The following MET variants were observed in gnomAD, a reference collection of about 807,000 sequenced individuals.
MET encodes the protein MET proto-oncogene, receptor tyrosine kinase.
MET carries 48 observed loss-of-function variants against 133.1 expected under a neutral mutation model. The ratio of observed to expected loss-of-function variants is 0.36; its 90% CI spans 0.29 to 0.46. The LOEUF is 0.46. Among genes scored for constraint, MET ranks in the 20% least tolerant of loss-of-function variants. The probability of loss-of-function intolerance (pLI) is 1.00; values close to 1 mark genes in which losing one functional copy is unlikely to be tolerated. For synonymous variants in MET, 628 were observed against 616.5 expected (o/e 1.02, Z -0.28); for missense variants, 1,442 against 1,695.9 (o/e 0.85, Z 2.63).
In MET at chr7:116,699,155, G is replaced by A. The variant is rs180985111; in HGVS notation, c.71G>A (p.Gly24Glu). 158 of 1,613,894 alleles carry A rather than the reference G, an allele frequency of 9.8e-5. No homozygotes were observed. In the African/African-American group the frequency reaches 1.6e-3, roughly 17 times the overall value. Residue 24 changes from glycine to glutamate, a missense_variant, in exon 2 of 21, where the codon GGG becomes GAG. Gly to Glu is a moderately conservative substitution (Grantham distance 98, BLOSUM62 -2). Coordinates refer to ENST00000397752, the MANE Select transcript of MET (RefSeq NM_000245.4). The part of the protein sequence containing the change: ...LLFTLVQRSN[G>E]ECKEALAKSE... ...TTTACCTTGGTGCAGAGGAGCAATGGGGAGTGTAAAGAGGCACTAGCAAAG... is the reference window on the plus strand; with the variant it reads ...TTTACCTTGGTGCAGAGGAGCAATGAGGAGTGTAAAGAGGCACTAGCAAAG...
chr7:116,697,467 A>G (rs1797003121), intron 1 of MET, among the ~76,000 whole-genome samples: 1 of 152,114 alleles, frequency 6.6e-6, no homozygotes, highest in South Asian at 2.1e-4. Flanking sequence ...AAATTCCTTA[A>G]TGATTATTAA....
At chr7:116,731,350 C>A (rs113261722) in intron 2 of MET, among the ~76,000 whole-genome samples, 18 of 152,302 alleles carry the variant, frequency 1.2e-4, no homozygotes, top group African/African-American at 3.9e-4. Context: ...AGAAGCATTA[C>A]CTTTGTGTCA....
At chr7:116,694,758 C>A (rs1584870903) in intron 1 of MET, among the ~76,000 whole-genome samples, 2 of 152,282 alleles carry the variant, frequency 1.3e-5, no homozygotes, top group East Asian at 3.9e-4. Flanking sequence ...GCAATCTCAA[C>A]TCACTGCAAC....
At position 116,739,944 on chromosome 7, in the gene MET, G is replaced by C. The variant is rs202194405; in HGVS notation, c.1393-6G>C. The C allele has an allele frequency of 6.2e-7, 1 of 1,613,956 alleles. No homozygotes were observed. Among genetic ancestry groups the C allele is most frequent in the South Asian group, 1.1e-5 (1 of 91,082 alleles). On this transcript the variant is annotated splice_polypyrimidine_tract_variant and splice_region_variant and intron_variant, in intron 3 of 20. Coordinates refer to ENST00000397752, the MANE Select transcript of MET (RefSeq NM_000245.4). Reference sequence around the variant, plus strand: ...ATAAGGATGTTATAACTTTTTTGCTGTTTAGGTTGTGGTTTCTCGATCAGG... The same window carrying C: ...ATAAGGATGTTATAACTTTTTTGCTCTTTAGGTTGTGGTTTCTCGATCAGG...
intron 1 of MET, among the ~76,000 whole-genome samples, chr7:116,684,094 A>G (rs1796457511): frequency 6.6e-6 from 1 of 152,210 alleles, no homozygotes; most frequent in Non-Finnish European, 1.5e-5. Context: ...TATTAACTCA[A>G]CTAATTACTT....
rs45586239 is a variant in MET, at chr7:116,757,472, A to G, written c.1898A>G (p.His633Arg). ...KCTVGPAMNK[H>R]FNMSIIISNG... is the part of the protein sequence containing the mutation. ...ACAGTTGGTCCTGCCATGAATAAGC[A>G]TTTCAATATGTCCATAATTATTTCA... The change falls in exon 7 of 21, where the codon CAT becomes CGT. Residue 633 changes from histidine to arginine, a missense_variant. By Grantham distance (29) the His-to-Arg change is conservative. This residue lies in a region of MET where 762 missense variants were observed against 792.4 expected (regional missense o/e 0.96). Coordinates refer to ENST00000397752, the MANE Select transcript of MET (RefSeq NM_000245.4). 5.6e-6 allele frequency: 9 copies of G among 1,613,630 alleles called. No homozygotes were observed. Among genetic ancestry groups the G allele is most frequent in the African/African-American group, 2.7e-5 (2 of 74,890 alleles).
chr7:116,763,311 C>A (rs376137897), intron 11 of MET, 43 bp downstream of exon 11: 1 of 1,527,166 alleles, frequency 6.5e-7, no homozygotes, highest in East Asian at 2.3e-5. Flanking sequence ...TCAGCTCAAA[C>A]TTAATTGACT....
rs2117111344 is a variant in MET at position 116,795,950 on chromosome 7, G to A, written c.3999G>A (p.Leu1333=). The change falls in exon 21 of 21, where the codon CTG becomes CTA. Residue 1333 remains leucine, a synonymous_variant. Coordinates refer to ENST00000397752, the MANE Select transcript of MET (RefSeq NM_000245.4). ...AAATGCGCCCATCCTTTTCTGAACTGGTGTCCCGGATATCAGCGATCTTCT... is the reference window on the plus strand; with the variant it reads ...AAATGCGCCCATCCTTTTCTGAACTAGTGTCCCGGATATCAGCGATCTTCT... ...KAEMRPSFSE[L]VSRISAIFST... 3 of 1,614,088 alleles carry A rather than the reference G, an allele frequency of 1.9e-6. No homozygotes were observed. Among genetic ancestry groups the A allele is most frequent in the Non-Finnish European group, 2.5e-6 (3 of 1,180,004 alleles).
intron 10 of MET, among the ~76,000 whole-genome samples, chr7:116,762,815 T>A (rs942580751): frequency 6.6e-6 from 1 of 152,174 alleles, no homozygotes; most frequent in Admixed American, 6.6e-5. Flanking sequence ...TTCAGATAGA[T>A]CAGCACAGTT....
intron 1 of MET, among the ~76,000 whole-genome samples, chr7:116,681,777 G>A (rs1400061840): frequency 6.6e-6 from 1 of 152,132 alleles, no homozygotes; most frequent in African/African-American, 2.4e-5. Flanking sequence ...ACAACCATCT[G>A]GTTAATACAA....
chr7:116,716,394 AAG>A lies in MET; in HGVS notation c.1201-15270_1201-15269del, dbSNP rs530401300. Among the ~76,000 whole-genome samples, 320 of 139,426 alleles carry A rather than the reference AAG, an allele frequency of 2.3e-3. 2 individuals are homozygous for A. The highest frequency in any genetic ancestry group is 4.0e-3 in the Non-Finnish European group (254 of 63,396). The allele number at this position is 139,426 out of a possible 152,430, so 91.5% of individuals were successfully genotyped here. Reference sequence around the variant, plus strand: ...GGAAGGAGGGAAAAAGAGAGAAAGAAAGAGAAATATGAAAGAAAGAAAGAGTA... The same window carrying A: ...GGAAGGAGGGAAAAAGAGAGAAAGAAAGAAATATGAAAGAAAGAAAGAGTA... On this transcript the variant is annotated intron_variant, in intron 2 of 20. Transcript: ENST00000397752.
chr7:116,760,318 G>C (rs1794349678), intron 10 of MET, among the ~76,000 whole-genome samples: 4 of 152,090 alleles, frequency 2.6e-5, no homozygotes. Context: ...AGCTAACAAA[G>C]AAAGAGCATT....
intron 5 of MET, among the ~76,000 whole-genome samples, chr7:116,747,307 C>G (rs1403795037): frequency 6.6e-6 from 1 of 152,090 alleles, no homozygotes; most frequent in South Asian, 2.1e-4. Context: ...AGGCTAAATG[C>G]CCCAATTAAA....
At chr7:116,755,705 A>C (rs1794151833) in intron 6 of MET, among the ~76,000 whole-genome samples, 190 bp downstream of exon 6, 1 of 152,142 alleles carries the variant, frequency 6.6e-6, no homozygotes, top group African/African-American at 2.4e-5. Context: ...TTGAAGAGAG[A>C]GAAAGGTGAC....
At chr7:116,785,354 T>C (rs1197308040) in intron 19 of MET, among the ~76,000 whole-genome samples, 3 of 152,030 alleles carry the variant, frequency 2.0e-5, no homozygotes, top group African/African-American at 7.2e-5. Flanking sequence ...TTTTTACCCA[T>C]GGCAGAAGGC....
rs769474791 is a variant in MET, at chr7:116,778,849, T to C, written c.3414T>C (p.Asn1138=). The C allele has an allele frequency of 3.1e-6, 5 of 1,614,098 alleles. No individual in the cohort carries two copies. The highest frequency in any genetic ancestry group is 2.2e-5 in the South Asian group (2 of 91,084). The stretch of plus-strand genomic sequence containing the variant: ...TCATGAAAGATTTTAGTCATCCCAA[T>C]GTCCTCTCGCTCCTGGGAATCTGCC... ...GIIMKDFSHP[N]VLSLLGICLR... is the part of the protein sequence containing the mutation. The change falls in exon 17 of 21, where the codon AAT becomes AAC. Residue 1138 remains asparagine, a synonymous_variant. Coordinates refer to ENST00000397752, the MANE Select transcript of MET (RefSeq NM_000245.4).
intron 3 of MET, among the ~76,000 whole-genome samples, chr7:116,733,365 A>G (rs556630746): frequency 2.4e-4 from 37 of 151,520 alleles, no homozygotes; most frequent in Middle Eastern, 3.4e-3. Context: ...TTTTTTCAAA[A>G]TCGTCCATTA....
chr7:116,770,877 G>GA (rs1298672205), intron 12 of MET, among the ~76,000 whole-genome samples: 1 of 152,030 alleles, frequency 6.6e-6, no homozygotes, highest in Non-Finnish European at 1.5e-5. Context: ...TTATAAAATG[G>GA]AAAAACACAC....
At chr7:116,706,556 G>A (rs922090178) in intron 2 of MET, among the ~76,000 whole-genome samples, 2 of 152,058 alleles carry the variant, frequency 1.3e-5, no homozygotes, top group African/African-American at 4.8e-5. Context: ...TCCGAATACT[G>A]TTTCACATTT....
Sources: gnomAD v4.1 joint callset for allele counts (sites outside exome capture counted in the v4.1 genomes callset) on GRCh38, gnomAD v4.1.1 for gene constraint, gnomAD v4.1.1 regional missense constraint, MANE v1.5 for transcripts, NCBI Gene and HGNC (gene_info 2026-07-23, HGNC 2026-07-21) for gene names.